Variants in PPEF1 observed in about 807,000 individuals in gnomAD.
The protein encoded by PPEF1 is serine/threonine-protein phosphatase with EF-hands 1.
A neutral mutation model predicts 53.3 loss-of-function variants in PPEF1; 12 were observed. The ratio of observed to expected loss-of-function variants is 0.23; its 90% confidence interval spans 0.14 to 0.36. PPEF1 has a LOEUF of 0.36. Ranked by LOEUF, PPEF1 falls within the 10% of genes least tolerant of loss-of-function variation. The pLI is 1.00. For synonymous variants in PPEF1, 165 were observed against 176.7 expected (o/e 0.93, Z 0.52); for missense variants, 334 against 490.4 (o/e 0.68, Z 3.01).
chrX:18,827,781 C>A lies in PPEF1; in HGVS notation c.*294C>A. 1 of 243,797 alleles carries A rather than the reference C, an allele frequency of 4.1e-6. No homozygotes were observed. Among genetic ancestry groups the A allele is most frequent in the Non-Finnish European group, 7.3e-6 (1 of 136,240 alleles). The allele number at this position is 243,797 out of a possible 1,213,427, so 20.1% of individuals were successfully genotyped here. A position where few individuals can be genotyped will look rare whatever the true frequency, so the allele number is the denominator to read the frequency against. On this transcript the variant is annotated 3_prime_UTR_variant, in exon 16 of 16. Coordinates refer to ENST00000470157, the MANE Select transcript of PPEF1 (RefSeq NM_001377996.1). ...TCGTGAGTGCCACCTAACCAGGAGG[C>A]CAGAGCGGTTTGAAAACATCCTGAA...
At chrX:18,694,098 A>G (rs1372899281) in intron 4 of PPEF1, among the ~76,000 whole-genome samples, 2 of 111,450 alleles carry the variant, frequency 1.8e-5, no homozygotes, top group Non-Finnish European at 3.8e-5. Context: ...CACTCAGCAT[A>G]ATGCCTTTGA....
intron 10 of PPEF1, among the ~76,000 whole-genome samples, chrX:18,794,338 G>C (rs754041915): frequency 6.7e-4 from 76 of 112,889 alleles, no homozygotes; most frequent in Middle Eastern, 4.2e-3. Context: ...GTTTTCAACA[G>C]TGCCTTTAGG....
intron 6 of PPEF1, among the ~76,000 whole-genome samples, chrX:18,763,368 T>C (rs957049618): frequency 1.8e-5 from 2 of 111,625 alleles, no homozygotes; most frequent in African/African-American, 3.3e-5. Context: ...TATCTTGCCA[T>C]GCTTTAACGC....
intron 6 of PPEF1, among the ~76,000 whole-genome samples, chrX:18,765,255 A>G (rs1481254288): frequency 9.0e-6 from 1 of 111,616 alleles, no homozygotes; most frequent in Non-Finnish European, 1.9e-5. Flanking sequence ...GGTAAAATGC[A>G]TCTTGGACAT....
intron 14 of PPEF1, 66 bp downstream of exon 14, chrX:18,824,152 C>A (rs780612166): frequency 9.4e-7 from 1 of 1,060,684 alleles, no homozygotes. Context: ...CTTTGAAAAG[C>A]TGGGAGTGGC....
intron 6 of PPEF1, among the ~76,000 whole-genome samples, chrX:18,700,940 TG>T (rs1405896933): frequency 5.3e-5 from 6 of 112,603 alleles, no homozygotes; most frequent in African/African-American, 1.9e-4. Context: ...GATTGGATCC[TG>T]AAACCAAGGC....
chrX:18,725,897 G>A (rs1369262259), intron 1 of PPEF1, among the ~76,000 whole-genome samples: 1 of 110,898 alleles, frequency 9.0e-6, no homozygotes, highest in African/African-American at 3.3e-5. Flanking sequence ...AACGTATTGT[G>A]TGCTATATAC....
chrX:18,761,729 C>CT (rs58142596), intron 6 of PPEF1, among the ~76,000 whole-genome samples, 153 bp downstream of exon 6: 41,556 of 101,348 alleles, frequency 0.41, 7,699 homozygotes, highest in Non-Finnish European at 0.57. Context: ...AGAGCCATAT[C>CT]TTTTTTTTTT....
intron 3 of PPEF1, among the ~76,000 whole-genome samples, chrX:18,687,919 C>A (rs1304160613): frequency 9.0e-6 from 1 of 110,769 alleles, no homozygotes; most frequent in African/African-American, 3.3e-5. Context: ...GAACTTCAGA[C>A]CTCAAGTGAT....
intron 1 of PPEF1, among the ~76,000 whole-genome samples, chrX:18,710,479 GA>G (rs1286818518): frequency 9.1e-6 from 1 of 109,852 alleles, no homozygotes; most frequent in African/African-American, 3.3e-5. Context: ...AACTCAACAA[GA>G]AAAAAAAGAT....
intron 3 of PPEF1, among the ~76,000 whole-genome samples, chrX:18,740,068 A>T (rs12007558): frequency 0.44 from 48,676 of 110,968 alleles, 8,472 homozygotes; most frequent in Non-Finnish European, 0.56. Flanking sequence ...GAATTCCCCG[A>T]CCCCTTGCCC....
chrX:18,689,824 T>G (rs1335726124), intron 3 of PPEF1, among the ~76,000 whole-genome samples: 1 of 111,451 alleles, frequency 9.0e-6, no homozygotes, highest in Non-Finnish European at 1.9e-5. Flanking sequence ...TAGACCTATA[T>G]TGAATCCTGG....
chrX:18,715,877 T>C (rs1273174916), intron 1 of PPEF1, among the ~76,000 whole-genome samples: 1 of 112,467 alleles, frequency 8.9e-6, no homozygotes, highest in Non-Finnish European at 1.9e-5. Context: ...TTCATTCTCC[T>C]GAATTTCACT....
chrX:18,677,970 C>G (rs1477835885), intron 1 of PPEF1, among the ~76,000 whole-genome samples: 1 of 109,786 alleles, frequency 9.1e-6, no homozygotes, highest in Non-Finnish European at 1.9e-5. Context: ...CTATAGGCAC[C>G]CAGGAGGGAG....
intron 4 of PPEF1, among the ~76,000 whole-genome samples, chrX:18,695,662 G>A (rs1929674957): frequency 1.8e-5 from 2 of 112,299 alleles, no homozygotes; most frequent in Non-Finnish European, 3.8e-5. Context: ...GAACATTCAG[G>A]GTTAATTTAA....
At chrX:18,745,440 G>T (rs1383319757) in intron 3 of PPEF1, among the ~76,000 whole-genome samples, 3 of 107,606 alleles carry the variant, frequency 2.8e-5, no homozygotes, top group Non-Finnish European at 5.7e-5. Flanking sequence ...CGAACTCCTG[G>T]ACTCAAGCAA....
At chrX:18,805,136 G>A (rs1011694334) in intron 11 of PPEF1, among the ~76,000 whole-genome samples, 2 of 109,038 alleles carry the variant, frequency 1.8e-5, no homozygotes, top group African/African-American at 6.7e-5. Flanking sequence ...ACAGGCGCCC[G>A]CCACTACGTC....
At chrX:18,712,070 T>G (rs1317753813) in intron 1 of PPEF1, among the ~76,000 whole-genome samples, 1 of 112,192 alleles carries the variant, frequency 8.9e-6, no homozygotes, top group Non-Finnish European at 1.9e-5. Flanking sequence ...CTTTTTTTAA[T>G]AAAGTTTTGA....
At chrX:18,792,007 C>T (rs1230781103) in intron 10 of PPEF1, among the ~76,000 whole-genome samples, 1 of 112,634 alleles carries the variant, frequency 8.9e-6, no homozygotes, top group Non-Finnish European at 1.9e-5. Context: ...GTTAAACCAA[C>T]CTGACATTCC....
Sources: gnomAD v4.1 joint callset for allele counts (sites outside exome capture counted in the v4.1 genomes callset) on GRCh38, gnomAD v4.1.1 for gene constraint, MANE v1.5 for transcripts, NCBI Gene and HGNC (gene_info 2026-07-23, HGNC 2026-07-21) for gene names.